Variants in CSNK1G1 observed in about 807,000 individuals in gnomAD.
The protein encoded by CSNK1G1 is casein kinase I isoform gamma-1.
In CSNK1G1, 22 loss-of-function variants were observed where a neutral mutation model predicts 59.6. The ratio of observed to expected loss-of-function variants is 0.37; its 90% CI spans 0.26 to 0.53. The LOEUF is 0.53. CSNK1G1 is among the 20% of genes least tolerant of loss of function. The pLI is 0.89. For synonymous variants in CSNK1G1, 179 were observed against 177.1 expected, an observed-to-expected ratio of 1.01 and a Z score of -0.08; for missense variants, 384 against 519.5, an observed-to-expected ratio of 0.74 and a Z score of 2.54.
intron 2 of CSNK1G1, among the ~76,000 whole-genome samples, chr15:64,283,260 A>G (rs573735652): frequency 3.9e-4 from 60 of 152,132 alleles, no homozygotes; most frequent in Non-Finnish European, 7.5e-4. Flanking sequence ...AGAGTCTTCT[A>G]TATATTCTGA....
intron 1 of CSNK1G1, among the ~76,000 whole-genome samples, chr15:64,311,707 G>T (rs1180218572): frequency 6.9e-6 from 1 of 145,882 alleles, no homozygotes; most frequent in African/African-American, 2.5e-5. Context: ...AAGCCACGGG[G>T]TTTGGTAGCT....
At chr15:64,217,445 A>G (rs77843340) in intron 4 of CSNK1G1, among the ~76,000 whole-genome samples, 6,546 of 152,322 alleles carry the variant, frequency 0.043, 159 homozygotes, top group South Asian at 0.079. Flanking sequence ...ATTGTGAATG[A>G]ATTTCCTTTA....
intron 2 of CSNK1G1, among the ~76,000 whole-genome samples, chr15:64,261,064 G>A (rs1179885834): frequency 6.6e-6 from 1 of 151,858 alleles, no homozygotes; most frequent in East Asian, 1.9e-4. Context: ...CCTTCTAAAG[G>A]TTACTTTATG....
intron 2 of CSNK1G1, among the ~76,000 whole-genome samples, chr15:64,288,387 G>C (rs1894541563): frequency 6.6e-6 from 1 of 151,832 alleles, no homozygotes; most frequent in Admixed American, 6.6e-5. Flanking sequence ...ATCTAATATT[G>C]AAAAAATTAA....
At chr15:64,194,458 A>T (rs2082012188) in intron 10 of CSNK1G1, 1 of 151,912 alleles carries the variant, frequency 6.6e-6, no homozygotes, top group Admixed American at 6.6e-5. Context: ...TGTAGTCACT[A>T]AGCATAACAG....
At chr15:64,340,540 TAG>T (rs370223690) in intron 1 of CSNK1G1, among the ~76,000 whole-genome samples, 2 of 152,188 alleles carry the variant, frequency 1.3e-5, no homozygotes, top group African/African-American at 4.8e-5. Context: ...TATGATGTGG[TAG>T]AGACTGCAGG....
At position 64,180,410 on chromosome 15, in the gene CSNK1G1, C is replaced by T. The variant is rs756180352; in HGVS notation, c.1152G>A (p.Thr384=). The T allele has an allele frequency of 4.3e-6, 7 of 1,614,010 alleles. No individual in the cohort carries two copies. The highest frequency in any genetic ancestry group is 3.3e-5 in the South Asian group (3 of 91,082). Residue 384 remains threonine (T), a synonymous_variant, in exon 11 of 12, where the codon ACG becomes ACA. Transcript: ENST00000303052. The part of the protein sequence containing the change: ...TNGELNVDDP[T]GAHSNAPITA... ...TGATTGGTGCATTGGAGTGGGCTCC[C>T]GTGGGATCATCAACATTCAGCTCTC... is the stretch of plus-strand genomic sequence containing the variant.
At chr15:64,296,322 C>T (rs1173456320) in intron 2 of CSNK1G1, among the ~76,000 whole-genome samples, 3 of 152,020 alleles carry the variant, frequency 2.0e-5, no homozygotes, top group Non-Finnish European at 4.4e-5. Context: ...GGTTTTGCCA[C>T]GTTGCTCATG....
intron 2 of CSNK1G1, chr15:64,265,662 T>TTA: frequency 3.6e-6 from 1 of 274,068 alleles, no homozygotes; most frequent in Non-Finnish European, 7.2e-6. Flanking sequence ...ACAATAGCTT[T>TTA]AAAAAAAAAA....
intron 10 of CSNK1G1, among the ~76,000 whole-genome samples, chr15:64,185,407 T>C (rs1455553996): frequency 2.6e-5 from 4 of 152,146 alleles, no homozygotes; most frequent in Non-Finnish European, 5.9e-5. Flanking sequence ...GCCAAAGTAA[T>C]GAGGAGCAGC....
chr15:64,235,112 G>C (rs997976997), intron 4 of CSNK1G1, among the ~76,000 whole-genome samples: 7 of 152,140 alleles, frequency 4.6e-5, no homozygotes, highest in African/African-American at 1.4e-4. Context: ...AAGAAAGCCA[G>C]GGACCAAGAG....
chr15:64,254,046 A>G (rs762554770), intron 3 of CSNK1G1, among the ~76,000 whole-genome samples: 14 of 152,290 alleles, frequency 9.2e-5, no homozygotes, highest in Non-Finnish European at 1.9e-4. Flanking sequence ...AGGCTGAGGC[A>G]GGAGAATTGC....
At chr15:64,309,363 T>C (rs1895868827) in intron 1 of CSNK1G1, among the ~76,000 whole-genome samples, 1 of 146,624 alleles carries the variant, frequency 6.8e-6, no homozygotes, top group African/African-American at 2.6e-5. Context: ...AATAAATGAG[T>C]TCTCAATCTT....
intron 4 of CSNK1G1, among the ~76,000 whole-genome samples, chr15:64,218,359 T>C (rs766575529): frequency 1.3e-5 from 2 of 152,168 alleles, no homozygotes; most frequent in African/African-American, 2.4e-5. Context: ...ATTTCATATA[T>C]TGTATTAGTC....
At chr15:64,273,874 C>T (rs1403992287) in intron 2 of CSNK1G1, among the ~76,000 whole-genome samples, 2 of 152,188 alleles carry the variant, frequency 1.3e-5, no homozygotes, top group Non-Finnish European at 2.9e-5. Flanking sequence ...TCTTAATTAG[C>T]GGAGAACAGA....
intron 2 of CSNK1G1, among the ~76,000 whole-genome samples, chr15:64,276,946 C>CAAAAAAAAAAAAA: frequency 1.8e-5 from 1 of 54,506 alleles, no homozygotes; most frequent in Non-Finnish European, 3.7e-5. Context: ...GACTCCATCT[C>CAAAAAAAAAAAAA]AAAAAAAAAA....
intron 7 of CSNK1G1, among the ~76,000 whole-genome samples, chr15:64,206,422 A>C (rs2082181290): frequency 6.6e-6 from 1 of 151,984 alleles, no homozygotes; most frequent in Middle Eastern, 3.2e-3. Flanking sequence ...CCTGGGCAAC[A>C]AAGCGAGAGT....
At chr15:64,290,872 C>A (rs998603253) in intron 2 of CSNK1G1, among the ~76,000 whole-genome samples, 15 of 152,154 alleles carry the variant, frequency 9.9e-5, no homozygotes, top group African/African-American at 2.9e-4. Flanking sequence ...CACAACCATG[C>A]CTGGCTAATT....
At chr15:64,261,537 G>C (rs1892688677) in intron 2 of CSNK1G1, among the ~76,000 whole-genome samples, 1 of 152,068 alleles carries the variant, frequency 6.6e-6, no homozygotes, top group Non-Finnish European at 1.5e-5. Context: ...GGAGGCAGAG[G>C]TTGTGGTGAG....
Sources: allele counts gnomAD v4.1 joint callset (sites outside exome capture counted in the v4.1 genomes callset), GRCh38; gene constraint gnomAD v4.1.1; transcripts MANE v1.5; gene names NCBI Gene and HGNC (gene_info 2026-07-23, HGNC 2026-07-21).